ATP13A4: variants seen among roughly 807,000 people sequenced by gnomAD.
The protein encoded by ATP13A4 is ATPase 13A4, also known as probable cation-transporting ATPase 13A4.
ATP13A4 carries 114 observed loss-of-function variants against 142.5 expected under a neutral mutation model. That is an observed-to-expected ratio of 0.80 (90% CI 0.69 to 0.93). ATP13A4 has a LOEUF of 0.93. ATP13A4 is among the 40% of genes least tolerant of loss of function. The probability of loss-of-function intolerance (pLI) is 0.00; values close to 1 mark genes in which losing one functional copy is unlikely to be tolerated. For synonymous variants in ATP13A4, 488 were observed against 514.8 expected (o/e 0.95, Z 0.70); for missense variants, 1,392 against 1,454.0 (o/e 0.96, Z 0.69).
chr3:193,402,808 A>G lies in ATP13A4; in HGVS notation c.3435T>C (p.Tyr1145=). Residue 1145 remains tyrosine, a synonymous_variant, in exon 30 of 30, where the codon TAT becomes TAC. Coordinates refer to ENST00000342695, the MANE Select transcript of ATP13A4 (RefSeq NM_032279.4). ...LWMMIKRCFG[Y]QSKSQYRIWQ... Reference sequence around the variant, plus strand: ...ATATCCGATACTGGCTTTTTGACTGATAGCCGAAACATCTTTTAATCATCA... The same window carrying G: ...ATATCCGATACTGGCTTTTTGACTGGTAGCCGAAACATCTTTTAATCATCA... 1.2e-6 allele frequency: 2 copies of G among 1,614,172 alleles called. No homozygotes were observed. The highest frequency in any genetic ancestry group is 1.7e-6 in the Non-Finnish European group (2 of 1,180,020).
Position 193,493,106 on chromosome 3 carries a change from G to T in ATP13A4, c.436C>A (p.Gln146Lys). 6.2e-7 allele frequency: 1 copy of T among 1,613,234 alleles called. No homozygotes were observed. Among genetic ancestry groups the T allele is most frequent in the Non-Finnish European group, 8.5e-7 (1 of 1,179,598 alleles). The change falls in exon 4 of 30, where the codon CAG (glutamine) becomes AAG (lysine). Residue 146 changes from glutamine (Q) to lysine (K), a missense_variant. By Grantham distance (53) the Gln-to-Lys change is moderately conservative. Coordinates refer to ENST00000342695, the MANE Select transcript of ATP13A4 (RefSeq NM_032279.4). ...IRYVWNYLEG[Q>K]FQKIGSLEDW... ...ACAACTTACCCAATTTTCTGGAACT[G>T]TCCTTCTAAGTAGTTCCAAACATAT...
chr3:193,576,631 G>A (rs923350735), intron 2 of ATP13A4, among the ~76,000 whole-genome samples: 9 of 152,050 alleles, frequency 5.9e-5, no homozygotes, highest in Non-Finnish European at 7.4e-5. Context: ...TCTGGGTTAC[G>A]GCATCAAATA....
At chr3:193,519,665 A>T (rs1324688181) in intron 1 of ATP13A4, among the ~76,000 whole-genome samples, 4 of 103,084 alleles carry the variant, frequency 3.9e-5, no homozygotes, top group African/African-American at 1.6e-4. Flanking sequence ...TTTAGACAGA[A>T]TCTTGCTCTG....
At chr3:193,520,958 T>C (rs984983845) in intron 1 of ATP13A4, among the ~76,000 whole-genome samples, 29 of 152,168 alleles carry the variant, frequency 1.9e-4, no homozygotes, top group Non-Finnish European at 2.8e-4. Context: ...TGACTCCCAG[T>C]TTCTCTTGCC....
At chr3:193,579,713 A>G (rs576891361) in intron 2 of ATP13A4, among the ~76,000 whole-genome samples, 1 of 129,074 alleles carries the variant, frequency 7.7e-6, no homozygotes, top group African/African-American at 3.2e-5. Flanking sequence ...CGTGCTCTCC[A>G]AAGTGACCTT....
chr3:193,493,298 A>ATTTACCCTTTGCTTT, intron 3 of ATP13A4, 138 bp from the exon 4 acceptor site: 1 of 760,286 alleles, frequency 1.3e-6, no homozygotes, highest in Non-Finnish European at 2.1e-6. Context: ...TCCTTTTCTA[A>ATTTACCCTTTGCTTT]TTTACCCTTT....
At position 193,438,548 on chromosome 3, in the gene ATP13A4, C is replaced by A. The variant is rs755260373; in HGVS notation, c.2599G>T (p.Glu867Ter). 1 of 1,614,158 alleles carries A rather than the reference C, an allele frequency of 6.2e-7. No individual in the cohort carries two copies. The highest frequency in any genetic ancestry group is 2.2e-5 in the East Asian group (1 of 44,878). The change falls in exon 23 of 30, where the codon GAG becomes TAG. Residue 867 changes from glutamate (E) to a stop codon, truncating the protein, a stop_gained. Coordinates refer to ENST00000342695, the MANE Select transcript of ATP13A4 (RefSeq NM_032279.4). LOFTEE classifies it high-confidence loss of function. ...GGTGAGGCCACAGATGCCTCCTGCT[C>A]TGATAATGAGATGCCCACATGAGCC... ...KMAHVGISLS[E>*]QEASVASPFT...
At chr3:193,475,012 C>A (rs1308228219) in intron 8 of ATP13A4, among the ~76,000 whole-genome samples, 1 of 152,030 alleles carries the variant, frequency 6.6e-6, no homozygotes, top group African/African-American at 2.4e-5. Flanking sequence ...ATTGTCAAGG[C>A]TGCGAGGAAT....
intron 8 of ATP13A4, among the ~76,000 whole-genome samples, chr3:193,475,791 T>C (rs1718928476): frequency 1.3e-5 from 2 of 152,062 alleles, no homozygotes; most frequent in African/African-American, 4.8e-5. Flanking sequence ...TAATGAACAA[T>C]GTATAATTTG....
intron 23 of ATP13A4, among the ~76,000 whole-genome samples, chr3:193,437,994 G>T (rs1190854056): frequency 6.6e-6 from 1 of 151,968 alleles, no homozygotes; most frequent in Admixed American, 6.6e-5. Context: ...ACCACGCCCA[G>T]CTAATTTTTT....
chr3:193,467,451 TG>T lies in ATP13A4; in HGVS notation c.978del (p.Lys327ArgfsTer38), dbSNP rs1357513376. The T allele has an allele frequency of 1.9e-6, 3 of 1,613,756 alleles. No individual in the cohort carries two copies. The African/African-American group carries it at 4.0e-5, about 22-fold the overall frequency. On this transcript the variant is annotated frameshift_variant, in exon 10 of 30. Coordinates refer to ENST00000342695, the MANE Select transcript of ATP13A4 (RefSeq NM_032279.4). LOFTEE classifies it high-confidence loss of function. ...ESIPVTKTPL[P>X]KMDSSVPWKT... ...TTCCAGGGCACAGAGCTATCCATCT[TG>T]GGTAACGGAGTTTTGGTGACTGGAA...
In ATP13A4 at chr3:193,421,704, G is replaced by T. The variant is rs557355712; in HGVS notation, c.2843-6954C>A. 2.7e-5 allele frequency among the ~76,000 whole-genome samples: 4 copies of T among 149,982 alleles called. 1 individual carries two copies. In the South Asian group the frequency reaches 8.4e-4, roughly 31 times the overall value. On this transcript the variant is annotated intron_variant, in intron 25 of 29. Transcript: ENST00000342695. ...GTCTAGAGATTTGTATGTGACTGAG[G>T]TTAGTTGTTTTCAGTGTAAAACAGT...
At chr3:193,475,641 C>T (rs1174827534) in intron 8 of ATP13A4, among the ~76,000 whole-genome samples, 1 of 151,906 alleles carries the variant, frequency 6.6e-6, no homozygotes, top group Non-Finnish European at 1.5e-5. Context: ...GACTTTCAAA[C>T]CATGTAGATA....
At position 193,402,864 on chromosome 3, in the gene ATP13A4, C is replaced by G; in HGVS notation, c.3379G>C (p.Glu1127Gln). 6.2e-7 allele frequency: 1 copy of G among 1,613,658 alleles called. No individual in the cohort carries two copies. The highest frequency in any genetic ancestry group is 8.5e-7 in the Non-Finnish European group (1 of 1,179,754). The change falls in exon 30 of 30, where the codon GAG becomes CAG. Residue 1127 changes from glutamate (E) to glutamine (Q), a missense_variant and splice_region_variant. Transcript: ENST00000342695. ...LNFIVSLVAE[E>Q]AVIENRALWM... ...AGGGCTCGATTTTCAATAACAGCCT[C>G]CTGCAAAATAAAATAATTACTTTTT... is the stretch of plus-strand genomic sequence containing the variant.
intron 14 of ATP13A4, among the ~76,000 whole-genome samples, chr3:193,457,888 TG>T (rs1375028939): frequency 3.3e-5 from 5 of 152,188 alleles, no homozygotes; most frequent in Non-Finnish European, 7.3e-5. Flanking sequence ...TTCTCAGGGC[TG>T]GGGTAGGGCA....
intron 25 of ATP13A4, among the ~76,000 whole-genome samples, chr3:193,432,495 T>C (rs1470395798): frequency 6.6e-6 from 1 of 152,102 alleles, no homozygotes; most frequent in African/African-American, 2.4e-5. Flanking sequence ...AACTAAGATA[T>C]CCTTCGGTAG....
At chr3:193,458,883 C>A in intron 14 of ATP13A4, 198 bp downstream of exon 14, 1 of 699,564 alleles carries the variant, frequency 1.4e-6, no homozygotes, top group Non-Finnish European at 2.5e-6. Flanking sequence ...TTAATCCTCA[C>A]AATCTCATTA....
chr3:193,482,853 A>C (rs980618883), intron 8 of ATP13A4, among the ~76,000 whole-genome samples: 2 of 152,220 alleles, frequency 1.3e-5, no homozygotes, highest in African/African-American at 2.4e-5. Context: ...AAAATGTTAA[A>C]TATCTATCTA....
chr3:193,541,858 A>C (rs544751367), intron 1 of ATP13A4, among the ~76,000 whole-genome samples: 1 of 152,342 alleles, frequency 6.6e-6, no homozygotes, highest in East Asian at 1.9e-4. Flanking sequence ...AGACTATTGA[A>C]AGAAAGGCAA....
Sources: allele counts gnomAD v4.1 joint callset (sites outside exome capture counted in the v4.1 genomes callset), GRCh38; gene constraint gnomAD v4.1.1; transcripts MANE v1.5; gene names NCBI Gene and HGNC (gene_info 2026-07-23, HGNC 2026-07-21).